Variants in ACOT2 observed in about 807,000 individuals in gnomAD.
ACOT2 encodes the protein acyl-CoA thioesterase 2, also known as acyl-coenzyme A thioesterase 2, mitochondrial.
Under a neutral mutation model 20.1 loss-of-function variants are expected in ACOT2, and 15 were observed. The ratio of observed to expected loss-of-function variants is 0.75; its 90% CI spans 0.50 to 1.15. ACOT2 has a LOEUF of 1.15. Among genes scored for constraint, ACOT2 ranks in the 50% most tolerant of loss-of-function variants. The pLI, the probability that ACOT2 is intolerant of heterozygous loss-of-function variation, is 0.00. For synonymous variants in ACOT2, 252 were observed against 268.4 expected (o/e 0.94, Z 0.60); for missense variants, 479 against 615.3 (o/e 0.78, Z 2.34).
rs1487736275 is a variant in ACOT2, at chr14:73,569,400, G to A, written c.160G>A (p.Gly54Ser). The A allele has an allele frequency of 6.2e-7, 1 of 1,614,004 alleles. No individual in the cohort carries two copies. Among genetic ancestry groups the A allele is most frequent in the African/African-American group, 1.3e-5 (1 of 75,058 alleles). Residue 54 changes from glycine (G) to serine (S), a missense_variant, in exon 1 of 3, where the codon GGT becomes AGT. By Grantham distance (56) the Gly-to-Ser change is moderately conservative (BLOSUM62 0). Around this residue, in one of 4 missense-constraint regions of ACOT2, gnomAD observed 400 missense variants for 395.5 expected, o/e 1.01. Transcript: ENST00000238651. ...FLGSPQLRQV[G>S]QIIRVPARMA... is the part of the protein sequence containing the mutation. ...GGGGTCTCCACAGCTGAGGCAGGTT[G>A]GTCAGATCATTAGGGTTCCTGCTCG...
At position 73,573,497 on chromosome 14, in the gene ACOT2, T is replaced by G; in HGVS notation, c.753T>G (p.Ala251=). Reference sequence around the variant, plus strand: ...AGGGTTTTGCTGTGATGGCTCTGGCTTATTATAACTATGAAGACCTCCCCA... The same window carrying G: ...AGGGTTTTGCTGTGATGGCTCTGGCGTATTATAACTATGAAGACCTCCCCA... ...AGKGFAVMAL[A]YYNYEDLPKT... is the part of the protein sequence containing the mutation. Residue 251 remains alanine (A), a synonymous_variant, in exon 2 of 3, where the codon GCT becomes GCG. Coordinates refer to ENST00000238651, the MANE Select transcript of ACOT2 (RefSeq NM_006821.6). 6.2e-7 allele frequency: 1 copy of G among 1,613,736 alleles called. No individual in the cohort carries two copies. Among genetic ancestry groups the G allele is most frequent in the Non-Finnish European group, 8.5e-7 (1 of 1,179,736 alleles).
At chr14:73,573,030 T>C (rs1048012228) in intron 1 of ACOT2, among the ~76,000 whole-genome samples, 3 of 151,616 alleles carry the variant, frequency 2.0e-5, no homozygotes, top group Non-Finnish European at 4.4e-5. Flanking sequence ...TCATTCAGAA[T>C]GAGTAGCCTT....
chr14:73,569,227 G>A lies in ACOT2; in HGVS notation c.-14G>A. The A allele has an allele frequency of 1.9e-6, 3 of 1,612,334 alleles. No individual in the cohort carries two copies. The highest frequency in any genetic ancestry group is 2.2e-5 in the East Asian group (1 of 44,860). The stretch of plus-strand genomic sequence containing the variant: ...CCCTAGTGGGCGCTTAGCCTGCGAC[G>A]GCAGCCCGAGAGGATGTCTAACAAG... On this transcript the variant is annotated 5_prime_UTR_variant, in exon 1 of 3. Coordinates refer to ENST00000238651, the MANE Select transcript of ACOT2 (RefSeq NM_006821.6).
chr14:73,574,139 G>T (rs1021951855), intron 2 of ACOT2, among the ~76,000 whole-genome samples: 19 of 151,758 alleles, frequency 1.3e-4, no homozygotes, highest in Non-Finnish European at 2.1e-4. Context: ...CCAGAGTGCT[G>T]GAATTACAGG....
intron 1 of ACOT2, among the ~76,000 whole-genome samples, chr14:73,570,513 G>A (rs1345441820): frequency 6.6e-6 from 1 of 151,990 alleles, no homozygotes; most frequent in Non-Finnish European, 1.5e-5. Flanking sequence ...AGTTTGTAGT[G>A]AGCTGAGATC....
chr14:73,570,110 CTT>C (rs60839743), intron 1 of ACOT2, among the ~76,000 whole-genome samples: 12 of 140,590 alleles, frequency 8.5e-5, no homozygotes, highest in South Asian at 2.2e-4. Flanking sequence ...GGGAGTTACA[CTT>C]TTTTTTTTTT....
Position 73,574,963 on chromosome 14 carries a change from T to C in ACOT2, c.902T>C (p.Leu301Pro), listed in dbSNP as rs771276681. ...ATTTCCAAAGGGGGTGAGCTCTGCC[T>C]TTCCATGGCCTCTTTCCTGAAGGGC... Reference protein sequence around the residue: ...LGISKGGELCLSMASFLKGIT... With the variant: ...LGISKGGELCPSMASFLKGIT... Residue 301 changes from leucine (L) to proline (P), a missense_variant, in exon 3 of 3, where the codon CTT (leucine) becomes CCT (proline). Around this residue, in one of 4 missense-constraint regions of ACOT2, gnomAD observed 39 missense variants for 108.0 expected, o/e 0.36. Transcript: ENST00000238651. 2 of 1,605,712 alleles carry C rather than the reference T, an allele frequency of 1.2e-6. No homozygotes were observed. The highest frequency in any genetic ancestry group is 1.7e-6 in the Non-Finnish European group (2 of 1,174,558).
In ACOT2 at chr14:73,573,417, A is replaced by G. The variant is rs747656513; in HGVS notation, c.673A>G (p.Met225Val). The G allele has an allele frequency of 2.7e-5, 43 of 1,613,592 alleles. 1 individual carries two copies. Among genetic ancestry groups the G allele is most frequent in the Non-Finnish European group, 3.6e-5 (42 of 1,179,708 alleles). ...EPGPFPGIVD[M>V]FGTGGGLLEY... is the part of the protein sequence containing the mutation. ...TGGGCCCTTTCCTGGGATTGTGGAC[A>G]TGTTCGGAACTGGAGGTGGCCTGCT... The change falls in exon 2 of 3, where the codon ATG becomes GTG. Residue 225 changes from methionine (M) to valine (V), a missense_variant. By Grantham distance (21) the Met-to-Val change is conservative. Coordinates refer to ENST00000238651, the MANE Select transcript of ACOT2 (RefSeq NM_006821.6).
chr14:73,574,778 T>C (rs1889845249), intron 2 of ACOT2, 130 bp from the exon 3 acceptor site: 6 of 1,501,314 alleles, frequency 4.0e-6, no homozygotes, highest in Middle Eastern at 4.8e-4. Context: ...TTCTCAAAGT[T>C]GCAAATCTGG....
In ACOT2 at chr14:73,571,029, T is replaced by C. The variant is rs373745501; in HGVS notation, c.643+1146T>C. 1.5e-4 allele frequency: 22 copies of C among 151,180 alleles called. 1 individual carries two copies. The highest frequency in any genetic ancestry group is 1.4e-3 in the East Asian group (7 of 5,166). The allele number at this position is 151,180 out of a possible 1,614,324, so 9.4% of individuals were successfully genotyped here. On this transcript the variant is annotated intron_variant, in intron 1 of 2. Coordinates refer to ENST00000238651, the MANE Select transcript of ACOT2 (RefSeq NM_006821.6). ...GACTGGTTTTCTCACTGTATTTCCA[T>C]GGCAGCTAGGAGGTGCCAGGTGGCT...
rs529568899 is a variant in ACOT2 at position 73,573,236 on chromosome 14, G to A, written c.644-152G>A. ...AAAGTCACTATAAACACTTGCCAGA[G>A]GTTTCTGGACGAACAGGTTTTCATT... On this transcript the variant is annotated intron_variant, in intron 1 of 2. Transcript: ENST00000238651. 6.7e-6 allele frequency: 8 copies of A among 1,196,622 alleles called. No homozygotes were observed. The African/African-American group carries it at 7.4e-5, about 11-fold the overall frequency. 74.1% of individuals were successfully genotyped at this position (1,196,622 alleles called of 1,614,324 possible).
rs536979695 is a variant in ACOT2, at chr14:73,572,872, C to A, written c.644-516C>A. ...TGTTGGCCAGGCTGGTCTCGAACTCCTGACCTCAGGTGATCCACCCGTCTC... is the reference window on the plus strand; with the variant it reads ...TGTTGGCCAGGCTGGTCTCGAACTCATGACCTCAGGTGATCCACCCGTCTC... On this transcript the variant is annotated intron_variant, in intron 1 of 2. Transcript: ENST00000238651. Among the ~76,000 whole-genome samples the A allele has an allele frequency of 4.0e-4, 60 of 150,570 alleles. 2 individuals carry two copies. The highest frequency in any genetic ancestry group is 3.4e-3 in the Middle Eastern group (1 of 294).
At chr14:73,568,690 C>T (rs1329617254), upstream of ACOT2, among the ~76,000 whole-genome samples, 5 of 151,900 alleles carry the variant, frequency 3.3e-5, no homozygotes, top group Admixed American at 1.3e-4. Flanking sequence ...GAGGCTGAGG[C>T]GGGCGGATTA....
rs766676014 is a variant in ACOT2, at chr14:73,569,589, G to A, written c.349G>A (p.Asp117Asn). Reference protein sequence around the residue: ...LFQAHARYRADTLGELDLERA... With the variant: ...LFQAHARYRANTLGELDLERA... ...CCAGGCCCACGCGCGCTACCGCGCC[G>A]ACACTCTTGGCGAGCTGGACCTGGA... Residue 117 changes from aspartate (D) to asparagine (N), a missense_variant, in exon 1 of 3, where the codon GAC becomes AAC. This residue lies in a region of ACOT2 where 400 missense variants were observed against 395.5 expected (regional missense o/e 1.01). Transcript: ENST00000238651. 10 of 1,601,182 alleles carry A rather than the reference G, an allele frequency of 6.2e-6. No individual in the cohort carries two copies. Among genetic ancestry groups the A allele is most frequent in the South Asian group, 2.2e-5 (2 of 90,380 alleles).
chr14:73,569,214 C>T lies in ACOT2; in HGVS notation c.-27C>T, dbSNP rs747425828. 4.8e-5 allele frequency: 78 copies of T among 1,610,902 alleles called. 1 individual carries two copies. The highest frequency in any genetic ancestry group is 1.7e-4 in the Middle Eastern group (1 of 5,862). On this transcript the variant is annotated 5_prime_UTR_variant, in exon 1 of 3. Coordinates refer to ENST00000238651, the MANE Select transcript of ACOT2 (RefSeq NM_006821.6). ...GCAGACAGCTCTGCCCTAGTGGGCGCTTAGCCTGCGACGGCAGCCCGAGAG... is the reference window on the plus strand; with the variant it reads ...GCAGACAGCTCTGCCCTAGTGGGCGTTTAGCCTGCGACGGCAGCCCGAGAG...
upstream of ACOT2, chr14:73,568,916 T>C (rs1388931150): frequency 2.7e-6 from 1 of 371,514 alleles, no homozygotes; most frequent in African/African-American, 2.0e-5. Context: ...TGAGTGTGAA[T>C]TATTCAACAA....
intron 1 of ACOT2, chr14:73,571,054 TG>T (rs1489604267): frequency 6.6e-6 from 1 of 151,466 alleles, no homozygotes; most frequent in Non-Finnish European, 1.5e-5. Context: ...GCCAGGTGGC[TG>T]GGCCTGTGAC....
chr14:73,568,729 C>G (rs1889648405), upstream of ACOT2, among the ~76,000 whole-genome samples: 1 of 151,972 alleles, frequency 6.6e-6, no homozygotes, highest in Non-Finnish European at 1.5e-5. Context: ...AAATTACTAC[C>G]TATTACCCCA....
intron 1 of ACOT2, among the ~76,000 whole-genome samples, 177 bp from the exon 2 acceptor site, chr14:73,573,210 TA>T (rs1889800227): frequency 6.6e-6 from 1 of 151,916 alleles, no homozygotes. Context: ...CTACAACGAG[TA>T]AAGTCACTAT....
Sources: gnomAD v4.1 joint callset for allele counts (sites outside exome capture counted in the v4.1 genomes callset) on GRCh38, gnomAD v4.1.1 for gene constraint, gnomAD v4.1.1 regional missense constraint, MANE v1.5 for transcripts, NCBI Gene and HGNC (gene_info 2026-07-23, HGNC 2026-07-21) for gene names.